Variants in RHOBTB2 observed in about 807,000 individuals in gnomAD.
The protein encoded by RHOBTB2 is rho-related BTB domain-containing protein 2.
A neutral mutation model predicts 66.5 loss-of-function variants in RHOBTB2; 39 were observed. The observed-to-expected ratio is 0.59, with a 90% CI of 0.45 to 0.77. The LOEUF (loss-of-function observed/expected upper bound fraction) is 0.77. RHOBTB2 is among the 30% of genes least tolerant of loss of function. RHOBTB2 has a pLI of 0.00. For synonymous variants in RHOBTB2, 390 were observed against 395.0 expected (o/e 0.99, Z 0.15); for missense variants, 755 against 999.1 (o/e 0.76, Z 3.29).
In RHOBTB2 at chr8:23,004,802, G is replaced by GC; in HGVS notation, c.192+180dup. On this transcript the variant is annotated intron_variant, in intron 2 of 9. Transcript: ENST00000251822. This position sits in a 1 kb window ranked among gnomAD's most constrained non-coding sequence, Gnocchi z 6.4. ...CTGGAGAGAGGTTTAAGCCAAGTCTGCCCCAGGGAAGTGTCTCTGGCTGGT... is the reference window on the plus strand; with the variant it reads ...CTGGAGAGAGGTTTAAGCCAAGTCTGCCCCCAGGGAAGTGTCTCTGGCTGGT... The GC allele has an allele frequency of 1.6e-6, 1 of 637,340 alleles. No homozygotes were observed. Among genetic ancestry groups the GC allele is most frequent in the Non-Finnish European group, 2.7e-6 (1 of 367,646 alleles). The allele number at this position is 637,340 out of a possible 1,614,324, so 39.5% of individuals were successfully genotyped here.
upstream of RHOBTB2, among the ~76,000 whole-genome samples, chr8:22,986,309 C>T (rs1810288709): frequency 1.6e-5 from 2 of 122,466 alleles, no homozygotes; most frequent in Non-Finnish European, 3.2e-5. Flanking sequence ...GGGTCTCACT[C>T]TTTTCGCCCA....
At chr8:22,976,569 G>A in the RHOBTB2 span, among the ~76,000 whole-genome samples, 3 of 152,154 alleles carry the variant, frequency 2.0e-5, no homozygotes, top group Non-Finnish European at 4.4e-5. Flanking sequence ...TGGGAATACC[G>A]CCATTTTTAG....
At chr8:22,957,960 T>C in the RHOBTB2 span, among the ~76,000 whole-genome samples, 2 of 152,170 alleles carry the variant, frequency 1.3e-5, no homozygotes, top group Non-Finnish European at 2.9e-5. Context: ...ATGTGTTTAA[T>C]CCTAAACGGG....
chr8:23,014,357 A>G (rs1447593917), intron 7 of RHOBTB2, among the ~76,000 whole-genome samples: 1 of 152,232 alleles, frequency 6.6e-6, no homozygotes, highest in African/African-American at 2.4e-5. Flanking sequence ...GAGGTTTCAC[A>G]CACTCTCCCT....
the RHOBTB2 span, among the ~76,000 whole-genome samples, chr8:22,981,664 G>A: frequency 1.3e-5 from 2 of 152,206 alleles, no homozygotes; most frequent in East Asian, 3.8e-4. Context: ...TAGGGGTGAA[G>A]CTGAAAGGGA....
At chr8:23,009,332 C>T (rs1162439759) in intron 6 of RHOBTB2, among the ~76,000 whole-genome samples, 2 of 152,138 alleles carry the variant, frequency 1.3e-5, no homozygotes, top group Admixed American at 6.5e-5. Context: ...TTGGAAGAAG[C>T]CTATCAATGT....
chr8:22,954,289 T>G, the RHOBTB2 span, among the ~76,000 whole-genome samples: 20 of 152,370 alleles, frequency 1.3e-4, no homozygotes, highest in African/African-American at 4.8e-4. Context: ...GAATGTCAGT[T>G]GAAGCTCCAC....
In RHOBTB2 at chr8:23,014,332, G is replaced by A. The variant is rs553984064; in HGVS notation, c.1772-358G>A. On this transcript the variant is annotated intron_variant, in intron 7 of 9. Coordinates refer to ENST00000251822, the MANE Select transcript of RHOBTB2 (RefSeq NM_015178.3). The stretch of plus-strand genomic sequence containing the variant: ...AACTCACAGTTCTCAGCCTTTTTCT[G>A]TGATCAGCAGACATGAGGTTTCACA... Among the ~76,000 whole-genome samples, 3 of 152,320 alleles carry A rather than the reference G, an allele frequency of 2.0e-5. No individual in the cohort carries two copies. The East Asian group carries it at 5.8e-4, about 29-fold the overall frequency.
the RHOBTB2 span, among the ~76,000 whole-genome samples, chr8:22,954,598 G>GA: frequency 2.0e-5 from 3 of 152,164 alleles, no homozygotes; most frequent in Non-Finnish European, 2.9e-5. Context: ...GAGACAATTG[G>GA]ATTCACTGTG....
chr8:22,964,788 A>T, the RHOBTB2 span, among the ~76,000 whole-genome samples: 6 of 7,700 alleles, frequency 7.8e-4, no homozygotes, highest in African/African-American at 1.4e-3. Context: ...GCTTTATTTT[A>T]TTTATTTATT....
intron 1 of RHOBTB2, among the ~76,000 whole-genome samples, chr8:22,987,842 C>T (rs1164009604): frequency 1.3e-5 from 2 of 152,156 alleles, no homozygotes; most frequent in Non-Finnish European, 2.9e-5. Context: ...AGGTGGAGGG[C>T]TTCCACTCGT....
Position 23,020,112 on chromosome 8 carries a change from G to A in RHOBTB2, c.*2643G>A, listed in dbSNP as rs1230352617. The A allele has an allele frequency of 8.1e-6, 3 of 371,020 alleles. No individual in the cohort carries two copies. The highest frequency in any genetic ancestry group is 2.1e-5 in the South Asian group (1 of 48,316). The allele number at this position is 371,020 out of a possible 1,614,324, so 23.0% of individuals were successfully genotyped here. A position where few individuals can be genotyped will look rare whatever the true frequency, so the allele number is the denominator to read the frequency against. On this transcript the variant is annotated 3_prime_UTR_variant, in exon 10 of 10. Transcript: ENST00000251822. ...ACAGGAGGAGGGGAGGTTGGGGGGC[G>A]GGAGACAAAAACCACACCTCTTTTT...
At chr8:22,991,346 C>A (rs770696699) in intron 1 of RHOBTB2, among the ~76,000 whole-genome samples, 1 of 152,054 alleles carries the variant, frequency 6.6e-6, no homozygotes, top group Non-Finnish European at 1.5e-5. Flanking sequence ...CAAGCCAGGG[C>A]CATGTGCATT....
At chr8:22,981,341 G>A in the RHOBTB2 span, among the ~76,000 whole-genome samples, 5 of 152,100 alleles carry the variant, frequency 3.3e-5, no homozygotes, top group African/African-American at 1.2e-4. Flanking sequence ...GAATTTTATC[G>A]ATATTCAAAA....
Position 23,008,073 on chromosome 8 carries a change from A to G in RHOBTB2, c.1582A>G (p.Met528Val). The change falls in exon 6 of 10, where the codon ATG (methionine) becomes GTG (valine). Residue 528 changes from methionine to valine, a missense_variant. Around this residue, in one of 7 missense-constraint regions of RHOBTB2, gnomAD observed 353 missense variants for 458.2 expected, o/e 0.77. Transcript: ENST00000251822. ...LISSCDWMAA[M>V]FGGPFVESST... ...TTCCAGCTGTGACTGGATGGCTGCCATGTTTGGGGGGCCATTTGTGGAGAG... is the reference window on the plus strand; with the variant it reads ...TTCCAGCTGTGACTGGATGGCTGCCGTGTTTGGGGGGCCATTTGTGGAGAG... 1 of 1,613,016 alleles carries G rather than the reference A, an allele frequency of 6.2e-7. No homozygotes were observed. Among genetic ancestry groups the G allele is most frequent in the Non-Finnish European group, 8.5e-7 (1 of 1,179,714 alleles).
At chr8:23,014,646 G>A (rs765799793) in intron 7 of RHOBTB2, 44 bp from the exon 8 acceptor site, 72 of 1,528,846 alleles carry the variant, frequency 4.7e-5, no homozygotes, top group Non-Finnish European at 6.0e-5. Context: ...GGTGAGCACA[G>A]GTCATGTGCT....
chr8:22,992,518 A>G (rs1423012773), intron 2 of RHOBTB2, among the ~76,000 whole-genome samples: 1 of 152,060 alleles, frequency 6.6e-6, no homozygotes, highest in East Asian at 1.9e-4. Flanking sequence ...CCCTGGCTAT[A>G]ATTTGCATTT....
In RHOBTB2 at chr8:23,007,485, G is replaced by A. The variant is rs1168094967; in HGVS notation, c.1240G>A (p.Val414Met). 1.2e-6 allele frequency: 2 copies of A among 1,614,218 alleles called. No homozygotes were observed. The highest frequency in any genetic ancestry group is 1.7e-6 in the Non-Finnish European group (2 of 1,180,044). The change falls in exon 5 of 10, where the codon GTG becomes ATG. Residue 414 changes from valine (V) to methionine (M), a missense_variant. Physicochemically the swap from Val to Met is conservative, Grantham distance 21. Around this residue, in one of 7 missense-constraint regions of RHOBTB2, gnomAD observed 353 missense variants for 458.2 expected, o/e 0.77. Coordinates refer to ENST00000251822, the MANE Select transcript of RHOBTB2 (RefSeq NM_015178.3). Reference sequence around the variant, plus strand: ...CACCTACAAATCCCGGCTGATGGTGGTGGTGAAGATGGACAGTTCCATCCA... The same window carrying A: ...CACCTACAAATCCCGGCTGATGGTGATGGTGAAGATGGACAGTTCCATCCA... ...PLTYKSRLMV[V>M]VKMDSSIQPG...
upstream of RHOBTB2, chr8:22,995,734 TG>T: frequency 1.0e-6 from 1 of 982,510 alleles, no homozygotes; most frequent in South Asian, 1.4e-5. Flanking sequence ...TGGCTGGTTC[TG>T]AACTTTGCCC....
Sources: gnomAD v4.1 joint callset for allele counts (sites outside exome capture counted in the v4.1 genomes callset) on GRCh38, gnomAD v4.1.1 for gene constraint, gnomAD v4.1.1 regional missense constraint, Gnocchi (gnomAD v3.1) non-coding constraint, MANE v1.5 for transcripts, NCBI Gene and HGNC (gene_info 2026-07-23, HGNC 2026-07-21) for gene names.